PRUNE2: variants seen among roughly 807,000 people sequenced by gnomAD.
PRUNE2 encodes the protein prune homolog 2 with BCH domain, also known as protein prune homolog 2.
Under a neutral mutation model 252.0 loss-of-function variants are expected in PRUNE2, and 164 were observed. The ratio of observed to expected loss-of-function variants is 0.65; its 90% CI spans 0.57 to 0.74. PRUNE2 has a LOEUF of 0.74. Ranked by LOEUF, PRUNE2 falls within the 30% of genes least tolerant of loss-of-function variation. PRUNE2 has a pLI of 0.00. For synonymous variants in PRUNE2, 1,292 were observed against 1,350.2 expected, an observed-to-expected ratio of 0.96 and a Z score of 0.94; for missense variants, 3,495 against 3,711.0, an observed-to-expected ratio of 0.94 and a Z score of 1.51.
At chr9:76,648,507 G>A (rs181853097) in intron 11 of PRUNE2, among the ~76,000 whole-genome samples, 2 of 152,188 alleles carry the variant, frequency 1.3e-5, no homozygotes, top group Admixed American at 6.5e-5. Context: ...GATCTTTCAA[G>A]CCATGAAAGG....
At position 76,708,486 on chromosome 9, in the gene PRUNE2, T is replaced by C. The variant is rs1424244804; in HGVS notation, c.3788A>G (p.His1263Arg). 2 of 1,613,940 alleles carry C rather than the reference T, an allele frequency of 1.2e-6. No individual in the cohort carries two copies. The highest frequency in any genetic ancestry group is 1.1e-5 in the South Asian group (1 of 91,078). Residue 1263 changes from histidine (H) to arginine (R), a missense_variant, in exon 8 of 19, where the codon CAT becomes CGT. Physicochemically the swap from His to Arg is conservative, Grantham distance 29. Transcript: ENST00000376718. ...AGAGGCTGCTGGCGCATCTGGGGAA[T>C]GAGTGTCTTTAACATTTGCTGAATG... ...PSHSANVKDT[H>R]SPDAPAASGT...
At chr9:76,769,719 A>G (rs7859285) in intron 6 of PRUNE2, among the ~76,000 whole-genome samples, 3,463 of 152,246 alleles carry the variant, frequency 0.023, 124 homozygotes, top group African/African-American at 0.077. Context: ...AACACTTTCA[A>G]TATATGTCGT....
intron 6 of PRUNE2, chr9:76,748,719 C>T (rs2050353241): frequency 6.6e-6 from 1 of 152,144 alleles, no homozygotes; most frequent in Non-Finnish European, 1.5e-5. Context: ...GACTGAACTG[C>T]ATTAGAAGAG....
Position 76,708,169 on chromosome 9 carries a change from C to T in PRUNE2, c.4105G>A (p.Val1369Ile). 6.2e-7 allele frequency: 1 copy of T among 1,613,986 alleles called. No individual in the cohort carries two copies. Among genetic ancestry groups the T allele is most frequent in the Non-Finnish European group, 8.5e-7 (1 of 1,179,896 alleles). The change falls in exon 8 of 19, where the codon GTT (valine) becomes ATT (isoleucine). Residue 1369 changes from valine to isoleucine, a missense_variant. Physicochemically the swap from Val to Ile is conservative, Grantham distance 29 (BLOSUM62 3). Transcript: ENST00000376718. ...CAGATTTCCTGATGTTCAGATGCAA[C>T]CAGAGAAGACAGTTCCTGGTCACTC... ...GQSDQELSSLVASEHQEICIK... is the reference protein window; with the variant it reads ...GQSDQELSSLIASEHQEICIK...
chr9:76,696,946 A>T (rs1472414075), intron 9 of PRUNE2, among the ~76,000 whole-genome samples: 1 of 152,208 alleles, frequency 6.6e-6, no homozygotes, highest in South Asian at 2.1e-4. Context: ...TGGGCTACGC[A>T]CTATTCCTTG....
At chr9:76,905,840 T>C in intron 1 of PRUNE2, 88 bp downstream of exon 1, 1 of 1,551,214 alleles carries the variant, frequency 6.4e-7, no homozygotes, top group Admixed American at 1.7e-5. Flanking sequence ...AGTTGTTTCT[T>C]CCTCCTCTGC....
chr9:76,800,875 A>C (rs1353165461), intron 6 of PRUNE2, among the ~76,000 whole-genome samples: 1 of 152,228 alleles, frequency 6.6e-6, no homozygotes, highest in Non-Finnish European at 1.5e-5. Flanking sequence ...TTTTATACTT[A>C]ACATTTTTCA....
At chr9:76,846,723 T>A (rs779584459) in intron 3 of PRUNE2, 45 bp from the exon 4 acceptor site, 2 of 1,530,000 alleles carry the variant, frequency 1.3e-6, no homozygotes, top group Admixed American at 1.8e-5. Context: ...ATATGGCATG[T>A]CTTATTACTT....
intron 6 of PRUNE2, among the ~76,000 whole-genome samples, chr9:76,767,778 A>G (rs1226111748): frequency 3.3e-5 from 5 of 152,090 alleles, no homozygotes; most frequent in African/African-American, 1.2e-4. Flanking sequence ...GGGTGTAAAA[A>G]CCCAGCTGGA....
intron 1 of PRUNE2, among the ~76,000 whole-genome samples, chr9:76,859,457 C>T (rs2060436183): frequency 6.6e-6 from 1 of 152,042 alleles, no homozygotes; most frequent in Non-Finnish European, 1.5e-5. Context: ...CCTCCATTTG[C>T]TCTTTCCTTC....
At chr9:76,794,727 G>A (rs546791444) in intron 6 of PRUNE2, among the ~76,000 whole-genome samples, 6 of 152,014 alleles carry the variant, frequency 3.9e-5, no homozygotes, top group African/African-American at 1.2e-4. Flanking sequence ...GTAGCTGTCC[G>A]ACCTCGAGCA....
intron 1 of PRUNE2, among the ~76,000 whole-genome samples, chr9:76,875,428 T>C (rs1026222730): frequency 6.6e-6 from 1 of 152,144 alleles, no homozygotes; most frequent in South Asian, 2.1e-4. Flanking sequence ...TGCAGCGGCA[T>C]GATCTCGGCT....
rs3048276 is a variant in PRUNE2 at position 76,751,251 on chromosome 9, G to GACACACAC, written c.757-37538_757-37531dup. ...TGGCAGAAGTTCCCTAGGGGACACA[G>GACACACAC]ACACACACACACACACACACAGACA... On this transcript the variant is annotated intron_variant, in intron 6 of 18. Transcript: ENST00000376718. Among the ~76,000 whole-genome samples, 893 of 149,238 alleles carry GACACACAC rather than the reference G, an allele frequency of 6.0e-3. 7 individuals carry two copies. The highest frequency in any genetic ancestry group is 0.021 in the African/African-American group (843 of 40,668).
chr9:76,845,318 T>G (rs1386825428), intron 4 of PRUNE2, among the ~76,000 whole-genome samples: 6 of 152,226 alleles, frequency 3.9e-5, no homozygotes, highest in African/African-American at 1.2e-4. Flanking sequence ...AACTTCTTAG[T>G]TTACAAGATA....
At chr9:76,828,583 A>G (rs1312382536) in intron 4 of PRUNE2, among the ~76,000 whole-genome samples, 1 of 152,230 alleles carries the variant, frequency 6.6e-6, no homozygotes, top group Non-Finnish European at 1.5e-5. Context: ...GTTTTGGATA[A>G]GAAAAAAGGA....
In PRUNE2 at chr9:76,706,304, A is replaced by G. The variant is rs752367809; in HGVS notation, c.5970T>C (p.Asn1990=). The change falls in exon 8 of 19, where the codon AAT becomes AAC. Residue 1990 remains asparagine, a synonymous_variant. Transcript: ENST00000376718. ...CCCACTGATTTGTTTCTTGACCTTC[A>G]TTAGTTGAAACATTAGATGTAACAC... is the stretch of plus-strand genomic sequence containing the variant. The part of the protein sequence containing the change: ...NSCVTSNVST[N]EGQETNQWEQ... 8 of 1,613,870 alleles carry G rather than the reference A, an allele frequency of 5.0e-6. No individual in the cohort carries two copies. The African/African-American group carries it at 9.3e-5, about 19-fold the overall frequency.
rs374441580 is a variant in PRUNE2 at position 76,705,281 on chromosome 9, C to A, written c.6993G>T (p.Thr2331=). ...GCTTCCCTAGGTCCCCATCAACTGG[C>A]GTTTCCGGATGGCCTTCGGATAATG... The part of the protein sequence containing the change: ...KLTLSEGHPE[T]PVDGDLGKQD... The change falls in exon 8 of 19, where the codon ACG becomes ACT. Residue 2331 remains threonine, a synonymous_variant. Transcript: ENST00000376718. The A allele has an allele frequency of 4.3e-6, 7 of 1,614,040 alleles. No individual in the cohort carries two copies. The highest frequency in any genetic ancestry group is 5.9e-6 in the Non-Finnish European group (7 of 1,179,890).
At chr9:76,711,984 C>G (rs1247941535) in intron 7 of PRUNE2, among the ~76,000 whole-genome samples, 1 of 152,088 alleles carries the variant, frequency 6.6e-6, no homozygotes, top group African/African-American at 2.4e-5. Flanking sequence ...CAGTGTGAGG[C>G]CAGAACTGGG....
chr9:76,698,675 A>AC (rs1181356470), intron 9 of PRUNE2, among the ~76,000 whole-genome samples: 1 of 152,210 alleles, frequency 6.6e-6, no homozygotes, highest in Non-Finnish European at 1.5e-5. Flanking sequence ...CACGTGGATA[A>AC]AAGACCCAAT....
Sources: allele counts gnomAD v4.1 joint callset (sites outside exome capture counted in the v4.1 genomes callset), GRCh38; gene constraint gnomAD v4.1.1; transcripts MANE v1.5; gene names NCBI Gene and HGNC (gene_info 2026-07-23, HGNC 2026-07-21).